The following PPP2R5E variants were observed in gnomAD, a reference collection of about 807,000 sequenced individuals.
PPP2R5E encodes the protein protein phosphatase 2 regulatory subunit B'epsilon.
In PPP2R5E, 4 loss-of-function variants were observed where a neutral mutation model predicts 65.3. That is an observed-to-expected ratio of 0.06 (90% confidence interval 0.03 to 0.14). PPP2R5E has a LOEUF of 0.14. Ranked by LOEUF, PPP2R5E falls within the 10% of genes least tolerant of loss-of-function variation. The pLI, the probability that PPP2R5E is intolerant of heterozygous loss-of-function variation, is 1.00. For synonymous variants in PPP2R5E, 183 were observed against 187.4 expected (o/e 0.98, Z 0.19); for missense variants, 274 against 556.1 (o/e 0.49, Z 5.10).
chr14:63,480,507 G>A (rs142778325), intron 2 of PPP2R5E, among the ~76,000 whole-genome samples: 392 of 152,262 alleles, frequency 2.6e-3, no homozygotes, highest in Non-Finnish European at 3.9e-3. Context: ...GTGCAGTAGA[G>A]TGATCATAGT....
intron 2 of PPP2R5E, among the ~76,000 whole-genome samples, chr14:63,474,673 CAAAAAAAAAAAAA>C (rs1157357885): frequency 1.8e-4 from 5 of 27,726 alleles, no homozygotes; most frequent in East Asian, 1.3e-3. Context: ...TACCCCATCT[CAAAAAAAAAAAAA>C]AAAAAAAAAA....
chr14:63,417,016 T>C lies in PPP2R5E; in HGVS notation c.457-1784A>G, dbSNP rs924919256. The stretch of plus-strand genomic sequence containing the variant: ...CAACAAATTGTCATTTCTTAAAGAT[T>C]AGTTGCAACACAGAATCTGAAATGA... On this transcript the variant is annotated intron_variant, in intron 4 of 13. Transcript: ENST00000337537. 5.9e-5 allele frequency among the ~76,000 whole-genome samples: 9 copies of C among 152,220 alleles called. No individual in the cohort carries two copies. In the East Asian group the frequency reaches 1.7e-3, roughly 29 times the overall value.
intron 2 of PPP2R5E, among the ~76,000 whole-genome samples, chr14:63,534,765 G>A (rs1055601154): frequency 7.9e-5 from 12 of 152,112 alleles, no homozygotes; most frequent in African/African-American, 2.4e-4. Flanking sequence ...GACCACAGGT[G>A]TACACCACCA....
rs538986889 is a variant in PPP2R5E, at chr14:63,504,514, G to A, written c.157+35015C>T. 6.6e-5 allele frequency among the ~76,000 whole-genome samples: 10 copies of A among 152,210 alleles called. No individual in the cohort carries two copies. The South Asian group carries it at 1.2e-3, about 19-fold the overall frequency. ...GGAAAATGGCTTGAACCTAGGAGGCGGAGGTTGCAGTGAGCTGAGATCTCA... is the reference window on the plus strand; with the variant it reads ...GGAAAATGGCTTGAACCTAGGAGGCAGAGGTTGCAGTGAGCTGAGATCTCA... On this transcript the variant is annotated intron_variant, in intron 2 of 13. Coordinates refer to ENST00000337537, the MANE Select transcript of PPP2R5E (RefSeq NM_006246.5).
chr14:63,413,341 C>G (rs1398469928), intron 5 of PPP2R5E, among the ~76,000 whole-genome samples: 1 of 152,154 alleles, frequency 6.6e-6, no homozygotes, highest in Admixed American at 6.5e-5. Flanking sequence ...CTCTTAGGCA[C>G]ATTAATTCAC....
At chr14:63,407,158 G>A (rs1227516340) in intron 5 of PPP2R5E, among the ~76,000 whole-genome samples, 1 of 152,174 alleles carries the variant, frequency 6.6e-6, no homozygotes, top group African/African-American at 2.4e-5. Context: ...CTTTCTAGAT[G>A]AGGAAACTGA....
chr14:63,396,815 T>C, intron 5 of PPP2R5E, 99 bp from the exon 6 acceptor site: 1 of 1,442,218 alleles, frequency 6.9e-7, no homozygotes, highest in South Asian at 1.3e-5. Context: ...CCTCAAAAAA[T>C]GTGTTGAATA....
chr14:63,411,864 T>C (rs1886409196), intron 5 of PPP2R5E, among the ~76,000 whole-genome samples: 1 of 152,034 alleles, frequency 6.6e-6, no homozygotes, highest in African/African-American at 2.4e-5. Context: ...TCTTCATAAA[T>C]TACCCAGCCA....
At chr14:63,495,861 C>A (rs1891532814) in intron 2 of PPP2R5E, among the ~76,000 whole-genome samples, 1 of 151,686 alleles carries the variant, frequency 6.6e-6, no homozygotes. Flanking sequence ...CAGCTAGTTT[C>A]TTTGATTTTT....
chr14:63,536,393 G>A (rs1004160667), intron 2 of PPP2R5E, among the ~76,000 whole-genome samples: 1 of 152,146 alleles, frequency 6.6e-6, no homozygotes, highest in African/African-American at 2.4e-5. Flanking sequence ...AATGAGTGAT[G>A]GTGAGGATAT....
At chr14:63,489,235 T>C (rs79604880) in intron 2 of PPP2R5E, among the ~76,000 whole-genome samples, 3,614 of 152,070 alleles carry the variant, frequency 0.024, 128 homozygotes, top group African/African-American at 0.078. Flanking sequence ...CAAAGAAGAT[T>C]TGGAAAGTAA....
chr14:63,485,323 C>T (rs1890928770), intron 2 of PPP2R5E, among the ~76,000 whole-genome samples: 2 of 152,072 alleles, frequency 1.3e-5, no homozygotes, highest in African/African-American at 4.8e-5. Flanking sequence ...AAGCAGGTCT[C>T]GAACTCTTGG....
intron 3 of PPP2R5E, among the ~76,000 whole-genome samples, chr14:63,436,182 C>G (rs371965064): frequency 2.0e-5 from 3 of 152,156 alleles, no homozygotes; most frequent in East Asian, 3.8e-4. Flanking sequence ...AGCCACAGTG[C>G]ACAAGTTGAT....
chr14:63,487,514 G>A (rs1052192596), intron 2 of PPP2R5E, among the ~76,000 whole-genome samples: 1 of 152,126 alleles, frequency 6.6e-6, no homozygotes, highest in African/African-American at 2.4e-5. Context: ...ATAAATGGAT[G>A]GGGTCAATGC....
intron 11 of PPP2R5E, 76 bp downstream of exon 11, chr14:63,389,536 T>A (rs1884885787): frequency 1.0e-5 from 15 of 1,468,470 alleles, no homozygotes; most frequent in Non-Finnish European, 1.4e-5. Context: ...TAGGGTCCAT[T>A]ACATTGCTTT....
intron 5 of PPP2R5E, among the ~76,000 whole-genome samples, chr14:63,410,493 G>C (rs1214621751): frequency 3.9e-5 from 6 of 152,052 alleles, no homozygotes; most frequent in Non-Finnish European, 7.4e-5. Context: ...AGTGAGACGG[G>C]GGATAATGGG....
intron 5 of PPP2R5E, among the ~76,000 whole-genome samples, chr14:63,398,129 TAGTCCAAAAGAGGTA>T (rs1885521517): frequency 6.6e-6 from 1 of 152,188 alleles, no homozygotes; most frequent in East Asian, 1.9e-4. Context: ...TCCACGCAAC[TAGTCCAAAAGAGGTA>T]ACAAGCTAAA....
At chr14:63,432,901 T>C (rs1261575753) in intron 3 of PPP2R5E, among the ~76,000 whole-genome samples, 1 of 152,020 alleles carries the variant, frequency 6.6e-6, no homozygotes, top group African/African-American at 2.4e-5. Flanking sequence ...ATTCCTTTCA[T>C]ATAAAGTTCT....
At position 63,393,658 on chromosome 14, in the gene PPP2R5E, G is replaced by A. The variant is rs867745436; in HGVS notation, c.849+162C>T. Among the ~76,000 whole-genome samples the A allele has an allele frequency of 2.0e-5, 3 of 152,038 alleles. No homozygotes were observed. The South Asian group carries it at 6.2e-4, about 32-fold the overall frequency. ...ACCCGGGAGGTGGAGGCTGCAGTGA[G>A]CCAAGACTGTCCCACTGCACTCCAG... On this transcript the variant is annotated intron_variant, in intron 8 of 13. Coordinates refer to ENST00000337537, the MANE Select transcript of PPP2R5E (RefSeq NM_006246.5).
Sources: gnomAD v4.1 joint callset for allele counts (sites outside exome capture counted in the v4.1 genomes callset) on GRCh38, gnomAD v4.1.1 for gene constraint, MANE v1.5 for transcripts, NCBI Gene and HGNC (gene_info 2026-07-23, HGNC 2026-07-21) for gene names.